Variants in TFDP2 observed in about 807,000 individuals in gnomAD.
TFDP2 encodes transcription factor Dp-2.
A neutral mutation model predicts 59.3 loss-of-function variants in TFDP2; 17 were observed. That is an observed-to-expected ratio of 0.29 (90% CI 0.20 to 0.43). The LOEUF (loss-of-function observed/expected upper bound fraction) is 0.43, where lower values mean the gene tolerates loss of function less well. TFDP2 is among the 20% of genes least tolerant of loss of function. The pLI is 1.00. For synonymous variants in TFDP2, 180 were observed against 194.7 expected, an observed-to-expected ratio of 0.92 and a Z score of 0.63; for missense variants, 391 against 528.8, an observed-to-expected ratio of 0.74 and a Z score of 2.56.
chr3:141,994,978 T>A (rs776233632), intron 5 of TFDP2, 42 bp downstream of exon 5: 131 of 1,466,838 alleles, frequency 8.9e-5, no homozygotes, highest in Non-Finnish European at 1.1e-4. Context: ...ATGTCTAAAC[T>A]TTTTTTAAGG....
chr3:141,965,879 AATT>A (rs1937968729), intron 9 of TFDP2, among the ~76,000 whole-genome samples: 1 of 151,918 alleles, frequency 6.6e-6, no homozygotes, highest in South Asian at 2.1e-4. Flanking sequence ...AATGAGGAAA[AATT>A]ATGATTAAAC....
At chr3:141,994,911 A>G in intron 5 of TFDP2, 109 bp downstream of exon 5, 1 of 936,046 alleles carries the variant, frequency 1.1e-6, no homozygotes, top group Non-Finnish European at 1.5e-6. Context: ...AAGGAAAAAC[A>G]TTTGTTTTTA....
chr3:142,092,111 C>T (rs1387446515), intron 3 of TFDP2, among the ~76,000 whole-genome samples: 1 of 152,114 alleles, frequency 6.6e-6, no homozygotes, highest in Non-Finnish European at 1.5e-5. Flanking sequence ...CTAACTTAAA[C>T]AAATAATCAA....
chr3:142,104,721 C>G (rs2061420287), intron 1 of TFDP2, among the ~76,000 whole-genome samples: 2 of 152,050 alleles, frequency 1.3e-5, no homozygotes, highest in Admixed American at 1.3e-4. Context: ...TCCAGCAGAA[C>G]TAGTACTTAG....
chr3:142,148,946 GT>G (rs1287577357), intron 1 of TFDP2, among the ~76,000 whole-genome samples: 5 of 152,184 alleles, frequency 3.3e-5, no homozygotes, highest in African/African-American at 1.2e-4. Flanking sequence ...ACTCAGGGAC[GT>G]TACCTCCCCC....
intron 1 of TFDP2, among the ~76,000 whole-genome samples, chr3:142,125,475 T>C (rs1187416026): frequency 6.6e-6 from 1 of 152,060 alleles, no homozygotes. Context: ...TCTAGAGTCA[T>C]ATGAAATCAT....
At chr3:142,136,294 G>C (rs932739770) in intron 1 of TFDP2, among the ~76,000 whole-genome samples, 3 of 151,780 alleles carry the variant, frequency 2.0e-5, no homozygotes, top group Non-Finnish European at 4.4e-5. Context: ...TTAGATTCTG[G>C]ATATTAGTCC....
chr3:142,096,097 A>G (rs1346954084), intron 2 of TFDP2, among the ~76,000 whole-genome samples: 2 of 152,204 alleles, frequency 1.3e-5, no homozygotes, highest in Non-Finnish European at 2.9e-5. Flanking sequence ...GAAACTTTTT[A>G]AGCAGCTGTA....
intron 4 of TFDP2, among the ~76,000 whole-genome samples, chr3:141,995,608 G>A (rs1487135168): frequency 6.6e-6 from 1 of 152,098 alleles, no homozygotes; most frequent in Non-Finnish European, 1.5e-5. Context: ...TATTGGACCA[G>A]GAGCGGTGGC....
rs1440565074 is a variant in TFDP2, at chr3:142,088,853, A to T, written c.82+4208T>A. Reference sequence around the variant, plus strand: ...TTAATATCTTTTTTTTTTTTGACGGAGTCTTGCTCTGTCACCCAGGCTGGA... The same window carrying T: ...TTAATATCTTTTTTTTTTTTGACGGTGTCTTGCTCTGTCACCCAGGCTGGA... On this transcript the variant is annotated intron_variant, in intron 3 of 12. Coordinates refer to ENST00000489671, the MANE Select transcript of TFDP2 (RefSeq NM_001178139.2). Among the ~76,000 whole-genome samples the T allele has an allele frequency of 2.1e-5, 3 of 145,036 alleles. No individual in the cohort carries two copies. In the East Asian group the frequency reaches 6.1e-4, roughly 29 times the overall value.
intron 3 of TFDP2, among the ~76,000 whole-genome samples, chr3:142,050,016 C>T (rs1042897489): frequency 1.3e-4 from 20 of 152,142 alleles, no homozygotes; most frequent in African/African-American, 4.6e-4. Flanking sequence ...CACCTGTAAT[C>T]CCAGCACTTT....
chr3:142,077,404 A>G (rs1406580572), intron 3 of TFDP2, among the ~76,000 whole-genome samples: 1 of 152,126 alleles, frequency 6.6e-6, no homozygotes, highest in Admixed American at 6.5e-5. Context: ...GCACAGCTCC[A>G]ACCTGAAAAA....
At chr3:142,077,584 G>A (rs2060503462) in intron 3 of TFDP2, among the ~76,000 whole-genome samples, 1 of 152,138 alleles carries the variant, frequency 6.6e-6, no homozygotes, top group African/African-American at 2.4e-5. Flanking sequence ...GTCCAGAAGG[G>A]AACCTACTGC....
At chr3:142,137,300 C>T (rs1342220370) in intron 1 of TFDP2, among the ~76,000 whole-genome samples, 3 of 152,162 alleles carry the variant, frequency 2.0e-5, no homozygotes, top group Non-Finnish European at 2.9e-5. Context: ...ATGGGGTTTT[C>T]TAAATGTACA....
chr3:141,972,164 C>T (rs1357509689), intron 8 of TFDP2, among the ~76,000 whole-genome samples: 3 of 152,176 alleles, frequency 2.0e-5, no homozygotes, highest in African/African-American at 4.8e-5. Context: ...TGGCGTTCTG[C>T]ATTTGAAAAG....
At chr3:142,064,765 A>C (rs2060023127) in intron 3 of TFDP2, among the ~76,000 whole-genome samples, 1 of 152,240 alleles carries the variant, frequency 6.6e-6, no homozygotes, top group Admixed American at 6.5e-5. Context: ...TCCAATACGC[A>C]ATCAAAGAAA....
intron 1 of TFDP2, among the ~76,000 whole-genome samples, chr3:142,128,759 G>T (rs1452691786): frequency 6.6e-6 from 1 of 152,014 alleles, no homozygotes; most frequent in Admixed American, 6.6e-5. Flanking sequence ...CAAAGGAAGG[G>T]TAGGAATTCT....
Position 142,012,972 on chromosome 3 carries a change from A to C in TFDP2, c.83-7428T>G, listed in dbSNP as rs1056716926. Reference sequence around the variant, plus strand: ...ATCAACATGGTGAAACCCCGTCTCTACTAAAAATACAAAAATTAGCCAGGT... The same window carrying C: ...ATCAACATGGTGAAACCCCGTCTCTCCTAAAAATACAAAAATTAGCCAGGT... On this transcript the variant is annotated intron_variant, in intron 3 of 12. Coordinates refer to ENST00000489671, the MANE Select transcript of TFDP2 (RefSeq NM_001178139.2). 2.0e-5 allele frequency among the ~76,000 whole-genome samples: 3 copies of C among 152,020 alleles called. No homozygotes were observed. The East Asian group carries it at 5.8e-4, about 29-fold the overall frequency.
chr3:142,095,226 G>C (rs1018244329), intron 2 of TFDP2, among the ~76,000 whole-genome samples: 1 of 152,170 alleles, frequency 6.6e-6, no homozygotes, highest in African/African-American at 2.4e-5. Context: ...CTGTCCTCAA[G>C]TGATCCACCC....
Sources: allele counts gnomAD v4.1 joint callset (sites outside exome capture counted in the v4.1 genomes callset), GRCh38; gene constraint gnomAD v4.1.1; transcripts MANE v1.5; gene names NCBI Gene and HGNC (gene_info 2026-07-23, HGNC 2026-07-21).